The following ZNF683 variants were observed in gnomAD, a reference collection of about 807,000 sequenced individuals.
ZNF683 encodes zinc finger protein 683.
In ZNF683, 20 loss-of-function variants were observed where a neutral mutation model predicts 31.4. That is an observed-to-expected ratio of 0.64 (90% CI 0.45 to 0.93). ZNF683 has a LOEUF of 0.93. ZNF683 is among the 40% of genes least tolerant of loss of function. The pLI is 0.00. For missense variants in ZNF683, 621 were observed against 637.2 expected, an observed-to-expected ratio of 0.97 and a Z score of 0.27; for synonymous variants, 264 against 267.6, an observed-to-expected ratio of 0.99 and a Z score of 0.13.
chr1:26,367,021 T>C lies in ZNF683; in HGVS notation c.319+572A>G, dbSNP rs1226173318. Among the ~76,000 whole-genome samples, 4 of 152,138 alleles carry C rather than the reference T, an allele frequency of 2.6e-5. No individual in the cohort carries two copies. The East Asian group carries it at 7.7e-4, about 29-fold the overall frequency. On this transcript the variant is annotated intron_variant, in intron 3 of 5. Coordinates refer to ENST00000349618, the MANE Select transcript of ZNF683 (RefSeq NM_001114759.3). ...GGCTCACATCTATAATTCCAGCACT[T>C]TGGGTCACCGAGGCAGGTGGATCAC...
chr1:26,362,132 G>T, intron 5 of ZNF683, 110 bp from the exon 6 acceptor site: 1 of 1,613,186 alleles, frequency 6.2e-7, no homozygotes, highest in Non-Finnish European at 8.5e-7. Context: ...TTCCCTCCAG[G>T]CCTGGAAGCT....
chr1:26,368,394 T>C, intron 2 of ZNF683, 64 bp downstream of exon 2: 1 of 1,473,502 alleles, frequency 6.8e-7, no homozygotes, highest in South Asian at 1.5e-5. Context: ...CCCTTTTTCC[T>C]CCTAATGTCA....
At chr1:26,363,834 C>T (rs1190773172) in intron 4 of ZNF683, among the ~76,000 whole-genome samples, 1 of 151,640 alleles carries the variant, frequency 6.6e-6, no homozygotes, top group South Asian at 2.1e-4. Flanking sequence ...TGCATGTTTA[C>T]TAGCTCTCCA....
In ZNF683 at chr1:26,365,090, AGAG is replaced by A; in HGVS notation, c.453_455del (p.Ser152del). On this transcript the variant is annotated inframe_deletion, in exon 4 of 6. Transcript: ENST00000349618. ...GCGGTGGTGGGGAAGAGCTGTTATG[AGAG>A]GAGAAGGCTGGGCAGGGGGCCCCCT... The A allele has an allele frequency of 1.2e-6, 2 of 1,607,380 alleles. No homozygotes were observed. The highest frequency in any genetic ancestry group is 1.7e-6 in the Non-Finnish European group (2 of 1,176,884).
At chr1:26,370,964 G>A (rs142852102) in intron 1 of ZNF683, among the ~76,000 whole-genome samples, 65 of 152,246 alleles carry the variant, frequency 4.3e-4, no homozygotes, top group African/African-American at 1.5e-3. Context: ...TGAGGGGGGC[G>A]GGCTGTTATT....
At chr1:26,363,737 GAAAAAA>G (rs61027154) in intron 4 of ZNF683, among the ~76,000 whole-genome samples, 4 of 134,942 alleles carry the variant, frequency 3.0e-5, no homozygotes, top group Non-Finnish European at 3.1e-5. Context: ...ACTCCATATG[GAAAAAA>G]AAAAAAAAAA....
chr1:26,370,297 T>G (rs959468900), intron 1 of ZNF683, among the ~76,000 whole-genome samples: 2 of 152,074 alleles, frequency 1.3e-5, no homozygotes, highest in African/African-American at 4.8e-5. Flanking sequence ...GCTGCCCAGC[T>G]CAGCGCTCTC....
intron 4 of ZNF683, 131 bp downstream of exon 4, chr1:26,364,401 G>T: frequency 1.0e-6 from 1 of 988,912 alleles, no homozygotes; most frequent in African/African-American, 1.6e-5. Flanking sequence ...AACCATCCAA[G>T]GTCACTTGGC....
At chr1:26,371,964 C>A (rs1243866703) in intron 1 of ZNF683, among the ~76,000 whole-genome samples, 3 of 152,098 alleles carry the variant, frequency 2.0e-5, no homozygotes, top group Non-Finnish European at 4.4e-5. Context: ...AAAGACATGT[C>A]TAGATACAAA....
rs138942593 is a variant in ZNF683, at chr1:26,371,729, C to T, written c.-15+940G>A. Among the ~76,000 whole-genome samples the T allele has an allele frequency of 2.6e-3, 396 of 152,052 alleles. 1 individual carries two copies. Among genetic ancestry groups the T allele is most frequent in the Admixed American group, 6.0e-3 (91 of 15,250 alleles). ...GGCCAACTGCTTGAGCCCAGGAGTTCAAGACCAGCATGAGCAACATGGTGA... is the reference window on the plus strand; with the variant it reads ...GGCCAACTGCTTGAGCCCAGGAGTTTAAGACCAGCATGAGCAACATGGTGA... On this transcript the variant is annotated intron_variant, in intron 1 of 5. Coordinates refer to ENST00000349618, the MANE Select transcript of ZNF683 (RefSeq NM_001114759.3).
upstream of ZNF683, among the ~76,000 whole-genome samples, chr1:26,373,958 T>C (rs1201524518): frequency 1.3e-5 from 2 of 152,180 alleles, no homozygotes; most frequent in East Asian, 1.9e-4. Context: ...AAGAGCTCTT[T>C]AGTGGTAAAC....
intron 3 of ZNF683, among the ~76,000 whole-genome samples, chr1:26,365,543 G>A (rs1254676215): frequency 3.3e-5 from 5 of 152,166 alleles, no homozygotes; most frequent in African/African-American, 1.2e-4. Context: ...TGTCCGAAAT[G>A]GCAGCCACTG....
rs550353456 is a variant in ZNF683 at position 26,367,279 on chromosome 1, C to G, written c.319+314G>C. On this transcript the variant is annotated intron_variant, in intron 3 of 5. Transcript: ENST00000349618. ...AGACTCCATCTCAAAAACAAACAAACAAACAAAAAACACCTCTCTAAGCAG... is the reference window on the plus strand; with the variant it reads ...AGACTCCATCTCAAAAACAAACAAAGAAACAAAAAACACCTCTCTAAGCAG... Among the ~76,000 whole-genome samples, 5 of 151,802 alleles carry G rather than the reference C, an allele frequency of 3.3e-5. No individual in the cohort carries two copies. In the East Asian group the frequency reaches 9.8e-4, roughly 30 times the overall value.
At chr1:26,367,521 C>T (rs978133159) in intron 3 of ZNF683, 72 bp downstream of exon 3, 41 of 1,425,880 alleles carry the variant, frequency 2.9e-5, no homozygotes, top group Admixed American at 5.2e-5. Flanking sequence ...ACCACCCATC[C>T]CCAAACCTAG....
At chr1:26,368,005 C>T (rs1032321823) in intron 2 of ZNF683, among the ~76,000 whole-genome samples, 4 of 152,196 alleles carry the variant, frequency 2.6e-5, no homozygotes, top group African/African-American at 9.7e-5. Flanking sequence ...GATTGCCCTC[C>T]TCCTGTCCCC....
chr1:26,368,693 T>C, intron 1 of ZNF683, 108 bp from the exon 2 acceptor site: 1 of 1,279,016 alleles, frequency 7.8e-7, no homozygotes. Context: ...AAGTTATTCA[T>C]GTCCCTTCCT....
chr1:26,362,173 T>A, intron 5 of ZNF683, 151 bp from the exon 6 acceptor site: 1 of 1,592,478 alleles, frequency 6.3e-7, no homozygotes, highest in South Asian at 1.1e-5. Flanking sequence ...GAACCCACGG[T>A]ATCTAGCACA....
chr1:26,367,736 C>T lies in ZNF683; in HGVS notation c.176G>A (p.Ser59Asn), dbSNP rs1195261471. The change falls in exon 3 of 6, where the codon AGC becomes AAC. Residue 59 changes from serine to asparagine, a missense_variant. Physicochemically the swap from Ser to Asn is conservative, Grantham distance 46 (BLOSUM62 1). Transcript: ENST00000349618. ...MVDAHGPSCA[S>N]WLCPLPLAPG... ...TGCCAGGGGCAAGGGACACAGCCAG[C>T]TGGCACAGGATGGGCCATGAGCATC... 6.2e-7 allele frequency: 1 copy of T among 1,609,920 alleles called. No individual in the cohort carries two copies. The highest frequency in any genetic ancestry group is 8.5e-7 in the Non-Finnish European group (1 of 1,177,766).
In ZNF683 at chr1:26,368,522, G is replaced by T; in HGVS notation, c.50C>A (p.Ala17Asp). 1 of 1,606,830 alleles carries T rather than the reference G, an allele frequency of 6.2e-7. No individual in the cohort carries two copies. The highest frequency in any genetic ancestry group is 8.5e-7 in the Non-Finnish European group (1 of 1,176,608). The change falls in exon 2 of 6, where the codon GCC becomes GAC. Residue 17 changes from alanine to aspartate, a missense_variant. By Grantham distance (126) the Ala-to-Asp change is moderately radical. Coordinates refer to ENST00000349618, the MANE Select transcript of ZNF683 (RefSeq NM_001114759.3). ...CAGGGAGCCCCCTGTACCTCCCAGGGCCATGGGCCTATGACAACAACCTAA... is the reference window on the plus strand; with the variant it reads ...CAGGGAGCCCCCTGTACCTCCCAGGTCCATGGGCCTATGACAACAACCTAA... ...AQLGCCHRPM[A>D]LGGTGGSLSP...
Sources: allele counts gnomAD v4.1 joint callset (sites outside exome capture counted in the v4.1 genomes callset), GRCh38; gene constraint gnomAD v4.1.1; transcripts MANE v1.5; gene names NCBI Gene and HGNC (gene_info 2026-07-23, HGNC 2026-07-21).